LRFN5: variants seen among roughly 807,000 people sequenced by gnomAD.
LRFN5 encodes leucine-rich repeat and fibronectin type-III domain-containing protein 5.
LRFN5 carries 24 observed loss-of-function variants against 45.6 expected under a neutral mutation model. That is an observed-to-expected ratio of 0.53 (90% confidence interval 0.38 to 0.74). The LOEUF is 0.74. Among genes scored for constraint, LRFN5 ranks in the 30% least tolerant of loss-of-function variants. LRFN5 has a pLI of 0.00. For synonymous variants in LRFN5, 340 were observed against 313.8 expected (o/e 1.08, Z -0.88); for missense variants, 776 against 861.5 (o/e 0.90, Z 1.24).
At chr14:41,637,171 G>T (rs1879344209) in intron 1 of LRFN5, among the ~76,000 whole-genome samples, 1 of 152,182 alleles carries the variant, frequency 6.6e-6, no homozygotes, top group Admixed American at 6.6e-5. Context: ...GGGGAGAATT[G>T]GGTTAGTTCA....
rs1284828896 is a variant in LRFN5, at chr14:41,904,234, A to T, written c.*59A>T. ...TTTGCCACTGATATTTTTACTGGATAAAATTCAAAAATGTTTCAATTCACA... is the reference window on the plus strand; with the variant it reads ...TTTGCCACTGATATTTTTACTGGATTAAATTCAAAAATGTTTCAATTCACA... On this transcript the variant is annotated 3_prime_UTR_variant, in exon 6 of 6. Transcript: ENST00000298119. The T allele has an allele frequency of 6.3e-7, 1 of 1,588,672 alleles. No homozygotes were observed. The highest frequency in any genetic ancestry group is 8.6e-7 in the Non-Finnish European group (1 of 1,161,194).
intron 1 of LRFN5, among the ~76,000 whole-genome samples, chr14:41,735,525 GC>G (rs970630519): frequency 5.9e-5 from 9 of 152,060 alleles, no homozygotes; most frequent in African/African-American, 2.2e-4. Context: ...TTCTGCGTCA[GC>G]CCCCCCACGT....
At chr14:41,831,372 A>C (rs76551503) in intron 2 of LRFN5, among the ~76,000 whole-genome samples, 1,641 of 152,290 alleles carry the variant, frequency 0.011, 32 homozygotes, top group African/African-American at 0.038. Context: ...TTGCTTATAC[A>C]TACATAGACA....
At chr14:41,871,672 GTATC>G (rs1566495505) in intron 2 of LRFN5, among the ~76,000 whole-genome samples, 1 of 151,928 alleles carries the variant, frequency 6.6e-6, no homozygotes, top group African/African-American at 2.4e-5. Context: ...CAAAGCAGCC[GTATC>G]TATCCATTAT....
At chr14:41,866,586 G>A (rs543031802) in intron 2 of LRFN5, among the ~76,000 whole-genome samples, 1 of 152,190 alleles carries the variant, frequency 6.6e-6, no homozygotes, top group African/African-American at 2.4e-5. Flanking sequence ...TTATTGCTTA[G>A]TTGCCTTTCC....
chr14:41,850,087 T>C (rs546665767), intron 2 of LRFN5, among the ~76,000 whole-genome samples: 2 of 151,956 alleles, frequency 1.3e-5, no homozygotes, highest in Non-Finnish European at 2.9e-5. Context: ...ATGTATAATA[T>C]AGTACATGTA....
At chr14:41,727,804 A>G (rs1421901313) in intron 1 of LRFN5, among the ~76,000 whole-genome samples, 1 of 152,174 alleles carries the variant, frequency 6.6e-6, no homozygotes, top group Non-Finnish European at 1.5e-5. Flanking sequence ...CTTTGGCTGT[A>G]TATGTGACTT....
chr14:41,772,999 T>C (rs1232558335), intron 2 of LRFN5, among the ~76,000 whole-genome samples: 1 of 152,212 alleles, frequency 6.6e-6, no homozygotes, highest in Non-Finnish European at 1.5e-5. Flanking sequence ...GTATCTATTT[T>C]GCTTATTCTC....
intron 2 of LRFN5, among the ~76,000 whole-genome samples, chr14:41,868,704 A>C (rs1453364961): frequency 1.3e-5 from 2 of 152,192 alleles, no homozygotes; most frequent in Non-Finnish European, 2.9e-5. Context: ...AATAGAGGCC[A>C]TTACTAGTCT....
At chr14:41,877,735 A>G (rs1189331821) in intron 2 of LRFN5, among the ~76,000 whole-genome samples, 1 of 152,110 alleles carries the variant, frequency 6.6e-6, no homozygotes, top group Non-Finnish European at 1.5e-5. Context: ...TCAAAGTATA[A>G]TAAGTCAACA....
chr14:41,776,101 T>A (rs374556191), intron 2 of LRFN5, among the ~76,000 whole-genome samples: 6 of 152,336 alleles, frequency 3.9e-5, no homozygotes, highest in African/African-American at 1.4e-4. Flanking sequence ...TTTGTGGTTC[T>A]ATATTTATCA....
chr14:41,630,073 A>G (rs1888482593), intron 1 of LRFN5, among the ~76,000 whole-genome samples: 1 of 152,124 alleles, frequency 6.6e-6, no homozygotes, highest in Non-Finnish European at 1.5e-5. Flanking sequence ...GTCAACATGA[A>G]GCACTCAGTT....
chr14:41,618,832 A>T (rs1272340657), intron 1 of LRFN5, among the ~76,000 whole-genome samples: 1 of 152,312 alleles, frequency 6.6e-6, no homozygotes, highest in African/African-American at 2.4e-5. Flanking sequence ...GCTAAGCATG[A>T]TGCCCCTCAA....
intron 1 of LRFN5, among the ~76,000 whole-genome samples, chr14:41,640,400 T>G (rs1879520972): frequency 6.6e-6 from 1 of 152,100 alleles, no homozygotes; most frequent in South Asian, 2.1e-4. Flanking sequence ...AACCATATAT[T>G]CGTGTAGCTC....
intron 2 of LRFN5, among the ~76,000 whole-genome samples, chr14:41,850,873 T>A (rs1889242821): frequency 6.6e-6 from 1 of 151,916 alleles, no homozygotes; most frequent in African/African-American, 2.4e-5. Context: ...TATCCAAATG[T>A]AATTGTAGTA....
intron 2 of LRFN5, among the ~76,000 whole-genome samples, chr14:41,829,447 A>T (rs1566470161): frequency 6.6e-6 from 1 of 151,986 alleles, no homozygotes; most frequent in African/African-American, 2.4e-5. Flanking sequence ...TTATGATGAG[A>T]TGAGCAATTT....
At chr14:41,836,789 A>T (rs1406561322) in intron 2 of LRFN5, among the ~76,000 whole-genome samples, 1 of 152,066 alleles carries the variant, frequency 6.6e-6, no homozygotes. Flanking sequence ...TGCCTCCAAG[A>T]GTGGCATTTT....
chr14:41,713,659 A>G (rs1352344712), intron 1 of LRFN5, among the ~76,000 whole-genome samples: 1 of 152,174 alleles, frequency 6.6e-6, no homozygotes, highest in Non-Finnish European at 1.5e-5. Flanking sequence ...AAAATTAAAA[A>G]TTAAGAACGA....
intron 5 of LRFN5, 41 bp from the exon 6 acceptor site, chr14:41,904,117 C>A (rs1238304588): frequency 1.3e-5 from 19 of 1,499,518 alleles, no homozygotes; most frequent in Non-Finnish European, 1.6e-5. Flanking sequence ...TTCTTTCTTC[C>A]TTTCTTTCTT....
Sources: allele counts gnomAD v4.1 joint callset (sites outside exome capture counted in the v4.1 genomes callset), GRCh38; gene constraint gnomAD v4.1.1; transcripts MANE v1.5; gene names NCBI Gene and HGNC (gene_info 2026-07-23, HGNC 2026-07-21).